Variants in SPAG16 observed in about 807,000 individuals in gnomAD.
The protein encoded by SPAG16 is sperm associated antigen 16.
In SPAG16, 86 loss-of-function variants were observed where a neutral mutation model predicts 80.4. That is an observed-to-expected ratio of 1.07 (90% CI 0.90 to 1.28). The LOEUF (loss-of-function observed/expected upper bound fraction) is 1.28, where lower values mean the gene tolerates loss of function less well. Ranked by LOEUF, SPAG16 falls within the 50% of genes most tolerant of loss-of-function variation. The pLI, the probability that SPAG16 is intolerant of heterozygous loss-of-function variation, is 0.00. For missense variants in SPAG16, 870 were observed against 765.3 expected (o/e 1.14, Z -1.61); for synonymous variants, 294 against 265.9 (o/e 1.11, Z -1.03).
chr2:213,397,584 G>A (rs1458057345), intron 9 of SPAG16, among the ~76,000 whole-genome samples: 1 of 152,112 alleles, frequency 6.6e-6, no homozygotes, highest in Non-Finnish European at 1.5e-5. Flanking sequence ...TTGAAATGTT[G>A]ATATGGATGA....
At position 213,930,232 on chromosome 2, in the gene SPAG16, A is replaced by G. The variant is rs13430303; in HGVS notation, c.1400+87A>G. On this transcript the variant is annotated intron_variant, in intron 12 of 15. Transcript: ENST00000331683. Reference sequence around the variant, plus strand: ...TAAAGTTCTTTTTTTTTTTTCCTTGATGCTACCCCAGGGAAACATTAAAAG... The same window carrying G: ...TAAAGTTCTTTTTTTTTTTTCCTTGGTGCTACCCCAGGGAAACATTAAAAG... 6,421 of 943,160 alleles carry G rather than the reference A, an allele frequency of 6.8e-3. 36 individuals are homozygous for G. The highest frequency in any genetic ancestry group is 0.012 in the Middle Eastern group (45 of 3,644). 58.4% of individuals were successfully genotyped at this position (943,160 alleles called of 1,614,324 possible).
At chr2:214,233,253 G>A (rs188463717) in intron 15 of SPAG16, among the ~76,000 whole-genome samples, 659 of 151,848 alleles carry the variant, frequency 4.3e-3, no homozygotes, top group Middle Eastern at 0.01. Context: ...CTTGACCTGA[G>A]GGCAGTTACA....
At chr2:214,304,482 T>G (rs2125962870) in intron 15 of SPAG16, among the ~76,000 whole-genome samples, 1 of 152,348 alleles carries the variant, frequency 6.6e-6, no homozygotes, top group East Asian at 1.9e-4. Flanking sequence ...TTTTGGCCCA[T>G]CTCTTCGTTT....
chr2:213,982,419 T>C (rs115470991), intron 12 of SPAG16, among the ~76,000 whole-genome samples: 2,150 of 152,230 alleles, frequency 0.014, 52 homozygotes, highest in African/African-American at 0.049. Context: ...AATTATGTTA[T>C]GATTTTATTG....
chr2:213,865,355 G>T (rs2105961156), intron 11 of SPAG16, among the ~76,000 whole-genome samples: 1 of 151,862 alleles, frequency 6.6e-6, no homozygotes, highest in East Asian at 1.9e-4. Flanking sequence ...AAATTTTTAA[G>T]ACACATGTAA....
chr2:213,694,700 CCCTTCCTT>C (rs199934008), intron 10 of SPAG16, among the ~76,000 whole-genome samples: 7 of 148,948 alleles, frequency 4.7e-5, no homozygotes, highest in Admixed American at 2.7e-4. Context: ...CATTGACCCA[CCCTTCCTT>C]CCTTCCTTCC....
At chr2:214,242,291 A>G (rs562046386) in intron 15 of SPAG16, among the ~76,000 whole-genome samples, 1 of 152,296 alleles carries the variant, frequency 6.6e-6, no homozygotes, top group African/African-American at 2.4e-5. Flanking sequence ...TCTCTGGAAC[A>G]TACTTCAGTG....
chr2:213,572,310 C>A (rs898703516), intron 10 of SPAG16, among the ~76,000 whole-genome samples: 6 of 83,474 alleles, frequency 7.2e-5, no homozygotes, highest in Non-Finnish European at 1.4e-4. Context: ...GGAGGAGAGG[C>A]GCTCTGCGTT....
intron 10 of SPAG16, among the ~76,000 whole-genome samples, chr2:213,575,235 A>T (rs1030381693): frequency 2.6e-5 from 4 of 152,194 alleles, no homozygotes; most frequent in African/African-American, 9.6e-5. Context: ...ACTTATATTC[A>T]GAGTTGAATG....
chr2:213,740,485 T>G (rs1490321012), intron 10 of SPAG16, among the ~76,000 whole-genome samples: 2 of 152,216 alleles, frequency 1.3e-5, no homozygotes, highest in Non-Finnish European at 2.9e-5. Context: ...ACATTTTCTT[T>G]TAAGAAGTCA....
chr2:213,358,172 C>G (rs976049437), intron 7 of SPAG16, among the ~76,000 whole-genome samples: 8 of 152,174 alleles, frequency 5.3e-5, no homozygotes, highest in Non-Finnish European at 8.8e-5. Context: ...TGCCCTCTCT[C>G]TCTGGCGGCC....
chr2:213,341,398 T>TATAA (rs2124964996), intron 6 of SPAG16, among the ~76,000 whole-genome samples: 1 of 152,340 alleles, frequency 6.6e-6, no homozygotes, highest in Admixed American at 6.5e-5. Context: ...AAATCTCTTA[T>TATAA]GTCACATTTT....
At chr2:214,027,399 C>G (rs964453907) in intron 13 of SPAG16, among the ~76,000 whole-genome samples, 4 of 151,570 alleles carry the variant, frequency 2.6e-5, no homozygotes, top group Admixed American at 1.3e-4. Flanking sequence ...CAGTCTTTTC[C>G]TATGAATATT....
At chr2:214,329,000 A>G (rs1696698340) in intron 15 of SPAG16, among the ~76,000 whole-genome samples, 1 of 152,218 alleles carries the variant, frequency 6.6e-6, no homozygotes, top group East Asian at 1.9e-4. Flanking sequence ...CAGAGAAGCT[A>G]AGTTACTTGA....
intron 13 of SPAG16, among the ~76,000 whole-genome samples, chr2:214,059,964 C>T (rs1011838978): frequency 4.0e-5 from 6 of 151,800 alleles, no homozygotes; most frequent in African/African-American, 1.5e-4. Flanking sequence ...CTCTTTTTTT[C>T]ACCCTGAGTA....
intron 10 of SPAG16, among the ~76,000 whole-genome samples, chr2:213,575,169 G>A (rs2060080900): frequency 6.6e-6 from 1 of 152,100 alleles, no homozygotes; most frequent in Non-Finnish European, 1.5e-5. Context: ...GTGAGGAGAT[G>A]AGACTAGCTG....
intron 9 of SPAG16, among the ~76,000 whole-genome samples, chr2:213,461,982 C>T (rs761022415): frequency 1.3e-5 from 2 of 151,852 alleles, no homozygotes; most frequent in Non-Finnish European, 2.9e-5. Context: ...CCTGGACAGG[C>T]CAGGGAAATT....
At chr2:214,389,597 G>A (rs1700951808) in intron 15 of SPAG16, among the ~76,000 whole-genome samples, 1 of 152,210 alleles carries the variant, frequency 6.6e-6, no homozygotes, top group South Asian at 2.1e-4. Flanking sequence ...CAGTGGGTAT[G>A]ACAAATTTGA....
At chr2:213,546,845 G>A (rs375513440) in intron 10 of SPAG16, among the ~76,000 whole-genome samples, 2 of 152,164 alleles carry the variant, frequency 1.3e-5, no homozygotes, top group Middle Eastern at 3.4e-3. Flanking sequence ...ATCTCTTCTC[G>A]TTGCTTTGTC....
Sources: gnomAD v4.1 joint callset for allele counts (sites outside exome capture counted in the v4.1 genomes callset) on GRCh38, gnomAD v4.1.1 for gene constraint, MANE v1.5 for transcripts, NCBI Gene and HGNC (gene_info 2026-07-23, HGNC 2026-07-21) for gene names.